The following CTIF variants were observed in gnomAD, a reference collection of about 807,000 sequenced individuals.
CTIF encodes the protein CBP80/20-dependent translation initiation factor.
Under a neutral mutation model 66.0 loss-of-function variants are expected in CTIF, and 21 were observed. The ratio of observed to expected loss-of-function variants is 0.32; its 90% CI spans 0.23 to 0.46. The LOEUF (loss-of-function observed/expected upper bound fraction) is 0.46, where lower values mean the gene tolerates loss of function less well. CTIF is among the 20% of genes least tolerant of loss of function. CTIF has a pLI of 1.00. For synonymous variants in CTIF, 345 were observed against 326.4 expected (o/e 1.06, Z -0.62); for missense variants, 739 against 812.7 (o/e 0.91, Z 1.10).
chr18:48,581,306 T>C (rs952901057), intron 1 of CTIF, among the ~76,000 whole-genome samples: 1 of 152,224 alleles, frequency 6.6e-6, no homozygotes, highest in Non-Finnish European at 1.5e-5. Flanking sequence ...CTGCCCTGTG[T>C]CGAAAATTAG....
intron 7 of CTIF, among the ~76,000 whole-genome samples, chr18:48,748,189 G>T (rs1454539087): frequency 6.6e-6 from 1 of 152,082 alleles, no homozygotes; most frequent in African/African-American, 2.4e-5. Flanking sequence ...GCATAGGGGC[G>T]AGACGGGGGT....
chr18:48,825,686 C>T (rs1252031628), intron 10 of CTIF, among the ~76,000 whole-genome samples: 2 of 152,174 alleles, frequency 1.3e-5, no homozygotes, highest in African/African-American at 4.8e-5. Flanking sequence ...GGGCAGGACC[C>T]ACTTTGGCCA....
At chr18:48,609,061 C>G (rs1370128137) in intron 1 of CTIF, among the ~76,000 whole-genome samples, 2 of 152,194 alleles carry the variant, frequency 1.3e-5, no homozygotes, top group African/African-American at 4.8e-5. Context: ...AAGCTTTTGA[C>G]AGCTGGTGGT....
At chr18:48,544,564 A>G (rs2088700625) in intron 1 of CTIF, among the ~76,000 whole-genome samples, 1 of 152,216 alleles carries the variant, frequency 6.6e-6, no homozygotes, top group South Asian at 2.1e-4. Context: ...CACTTACCCA[A>G]GGGGTAGGGG....
chr18:48,644,451 C>T (rs1407056840), intron 3 of CTIF, among the ~76,000 whole-genome samples: 2 of 152,228 alleles, frequency 1.3e-5, no homozygotes, highest in African/African-American at 4.8e-5. Context: ...CCTTAACATT[C>T]CTCCCAGAAA....
chr18:48,724,468 CTG>C (rs2092368674), intron 7 of CTIF, among the ~76,000 whole-genome samples: 1 of 152,210 alleles, frequency 6.6e-6, no homozygotes, highest in Non-Finnish European at 1.5e-5. Context: ...GCTCCCAACA[CTG>C]ACCAGCCCCT....
intron 1 of CTIF, among the ~76,000 whole-genome samples, chr18:48,553,960 A>G (rs2088955988): frequency 6.6e-6 from 1 of 151,896 alleles, no homozygotes; most frequent in Admixed American, 6.6e-5. Context: ...AAAGTTCCTG[A>G]TTCTCTGCGG....
chr18:48,578,357 T>G (rs1180737516), intron 1 of CTIF, among the ~76,000 whole-genome samples: 1 of 152,234 alleles, frequency 6.6e-6, no homozygotes, highest in Non-Finnish European at 1.5e-5. Flanking sequence ...TTGGAATTGC[T>G]GGGTGGTATA....
chr18:48,855,002 A>G (rs2069293859), intron 10 of CTIF, among the ~76,000 whole-genome samples: 1 of 152,076 alleles, frequency 6.6e-6, no homozygotes, highest in East Asian at 1.9e-4. Context: ...TGTTTTCTGC[A>G]TTTCCACCGC....
intron 4 of CTIF, 88 bp from the exon 5 acceptor site, chr18:48,664,359 C>T (rs2091398200): frequency 8.4e-7 from 1 of 1,193,454 alleles, no homozygotes; most frequent in Non-Finnish European, 1.2e-6. Flanking sequence ...CGGATCTGCT[C>T]TGCCAGGTTC....
rs116151164 is a variant in CTIF, at chr18:48,721,807, A to G, written c.584+10112A>G. ...TGCAGGAAGAAAAGAACACTGGACCAGAAGTCATGGAATCTGGATTTTCAT... is the reference window on the plus strand; with the variant it reads ...TGCAGGAAGAAAAGAACACTGGACCGGAAGTCATGGAATCTGGATTTTCAT... On this transcript the variant is annotated intron_variant, in intron 7 of 11. Coordinates refer to ENST00000256413, the MANE Select transcript of CTIF (RefSeq NM_014772.3). Among the ~76,000 whole-genome samples the G allele has an allele frequency of 5.2e-3, 793 of 152,026 alleles. 5 individuals carry two copies. The highest frequency in any genetic ancestry group is 0.018 in the African/African-American group (760 of 41,448).
intron 6 of CTIF, among the ~76,000 whole-genome samples, chr18:48,676,528 C>A (rs1044529461): frequency 2.6e-5 from 4 of 152,178 alleles, no homozygotes; most frequent in African/African-American, 9.6e-5. Flanking sequence ...CCCCTGCCCC[C>A]ACATTGCTGG....
chr18:48,861,520 CGTGGCCAGGCAG>C lies in CTIF; in HGVS notation c.*1962_*1973del, dbSNP rs1279187133. On this transcript the variant is annotated 3_prime_UTR_variant, in exon 12 of 12. Coordinates refer to ENST00000256413, the MANE Select transcript of CTIF (RefSeq NM_014772.3). ...GCAGGCCCCAGGGCGAGCTTGCCAT[CGTGGCCAGGCAG>C]CCTCCACCTGTGCTTCAGTGGCCCC... 1 of 152,378 alleles carries C rather than the reference CGTGGCCAGGCAG, an allele frequency of 6.6e-6. No individual in the cohort carries two copies. The highest frequency in any genetic ancestry group is 1.5e-5 in the Non-Finnish European group (1 of 68,132). 9.4% of individuals were successfully genotyped at this position (152,378 alleles called of 1,614,324 possible). A position where few individuals can be genotyped will look rare whatever the true frequency, so the allele number is the denominator to read the frequency against.
At chr18:48,666,247 C>G (rs1365985462) in intron 5 of CTIF, among the ~76,000 whole-genome samples, 1 of 152,192 alleles carries the variant, frequency 6.6e-6, no homozygotes, top group African/African-American at 2.4e-5. Flanking sequence ...AGTGACTTTA[C>G]TGGACACTAT....
chr18:48,720,119 C>G (rs1398602698), intron 7 of CTIF, among the ~76,000 whole-genome samples: 1 of 152,152 alleles, frequency 6.6e-6, no homozygotes, highest in Non-Finnish European at 1.5e-5. Flanking sequence ...TGGAATGCAA[C>G]TACCATAAAT....
At chr18:48,723,701 C>T (rs1337532112) in intron 7 of CTIF, among the ~76,000 whole-genome samples, 4 of 152,286 alleles carry the variant, frequency 2.6e-5, no homozygotes, top group East Asian at 1.9e-4. Flanking sequence ...CTCCTCAGGG[C>T]TCCCCAGGAG....
Position 48,758,097 on chromosome 18 carries a change from A to G in CTIF, c.763A>G (p.Met255Val), listed in dbSNP as rs1381966700. The change falls in exon 8 of 12, where the codon ATG becomes GTG. Residue 255 changes from methionine to valine, a missense_variant. Met to Val is a conservative substitution (Grantham distance 21, BLOSUM62 1). Around this residue, in one of 2 missense-constraint regions of CTIF, gnomAD observed 529 missense variants for 520.3 expected, o/e 1.02. Coordinates refer to ENST00000256413, the MANE Select transcript of CTIF (RefSeq NM_014772.3). ...GAACCGGCGCTGGCACCATGGCAAC[A>G]TGAAGCACCCACCAGGCGACAAGGG... The part of the protein sequence containing the change: ...SQNRRWHHGN[M>V]KHPPGDKGEA... 7 of 1,613,904 alleles carry G rather than the reference A, an allele frequency of 4.3e-6. No homozygotes were observed. Among genetic ancestry groups the G allele is most frequent in the Non-Finnish European group, 5.9e-6 (7 of 1,180,002 alleles).
At chr18:48,799,951 G>C (rs1437967348) in intron 9 of CTIF, among the ~76,000 whole-genome samples, 1 of 152,246 alleles carries the variant, frequency 6.6e-6, no homozygotes, top group Non-Finnish European at 1.5e-5. Flanking sequence ...ACACAGAAGA[G>C]CCAACACAAC....
intron 1 of CTIF, among the ~76,000 whole-genome samples, chr18:48,596,602 C>G (rs1244563191): frequency 6.6e-6 from 1 of 151,984 alleles, no homozygotes; most frequent in Non-Finnish European, 1.5e-5. Context: ...CTCAGCCTCC[C>G]GAGTAGCTGG....
Sources: gnomAD v4.1 joint callset for allele counts (sites outside exome capture counted in the v4.1 genomes callset) on GRCh38, gnomAD v4.1.1 for gene constraint, gnomAD v4.1.1 regional missense constraint, MANE v1.5 for transcripts, NCBI Gene and HGNC (gene_info 2026-07-23, HGNC 2026-07-21) for gene names.